MYO9A: variants seen among roughly 807,000 people sequenced by gnomAD.
The protein encoded by MYO9A is myosin IXA, also known as unconventional myosin-IXa.
In MYO9A, 103 loss-of-function variants were observed where a neutral mutation model predicts 293.3. The ratio of observed to expected loss-of-function variants is 0.35; its 90% CI spans 0.30 to 0.41. MYO9A has a LOEUF of 0.41. MYO9A is among the 10% of genes least tolerant of loss of function. The probability of loss-of-function intolerance (pLI) is 1.00; values close to 1 mark genes in which losing one functional copy is unlikely to be tolerated. For synonymous variants in MYO9A, 1,001 were observed against 1,035.7 expected (o/e 0.97, Z 0.64); for missense variants, 2,685 against 3,033.0 (o/e 0.89, Z 2.69).
In MYO9A at chr15:72,027,731, C is replaced by T. The variant is rs775144581; in HGVS notation, c.998G>A (p.Arg333Gln). The T allele has an allele frequency of 1.2e-6, 2 of 1,600,756 alleles. No homozygotes were observed. The highest frequency in any genetic ancestry group is 1.7e-6 in the Non-Finnish European group (2 of 1,173,450). The change falls in exon 4 of 42, where the codon CGG becomes CAG. Residue 333 changes from arginine to glutamine, a missense_variant and splice_region_variant. Arg to Gln is a conservative substitution (Grantham distance 43). This residue lies in a region of MYO9A where 289 missense variants were observed against 456.8 expected (regional missense o/e 0.63). Coordinates refer to ENST00000356056, the MANE Select transcript of MYO9A (RefSeq NM_006901.4). ...TAATTACACAAATAAAAATACGTAC[C>T]GTTCATTATGCTCCTGATAAACGAG... ...SRLVYQEHNERNYHVFYYLLA... is the reference protein window; with the variant it reads ...SRLVYQEHNEQNYHVFYYLLA...
intron 15 of MYO9A, among the ~76,000 whole-genome samples, chr15:71,946,051 T>C (rs916228624): frequency 6.6e-6 from 1 of 152,350 alleles, no homozygotes; most frequent in African/African-American, 2.4e-5. Flanking sequence ...TGGAATAAAT[T>C]CCATGTGGTC....
intron 1 of MYO9A, among the ~76,000 whole-genome samples, chr15:72,070,619 G>A (rs2079162233): frequency 6.6e-6 from 1 of 152,092 alleles, no homozygotes; most frequent in African/African-American, 2.4e-5. Flanking sequence ...GAACCCAGGA[G>A]GTGGAGGCTG....
chr15:71,911,682 G>T (rs2057856730), intron 19 of MYO9A, among the ~76,000 whole-genome samples: 1 of 152,190 alleles, frequency 6.6e-6, no homozygotes, highest in African/African-American at 2.4e-5. Flanking sequence ...GAAGTGACCA[G>T]ACTTTGACAT....
chr15:72,044,181 T>C (rs1036133976), intron 2 of MYO9A, among the ~76,000 whole-genome samples: 1 of 151,910 alleles, frequency 6.6e-6, no homozygotes, highest in South Asian at 2.1e-4. Flanking sequence ...CCAAGGCAGG[T>C]GGATCACCTG....
At chr15:71,911,144 A>C (rs942089520) in intron 19 of MYO9A, among the ~76,000 whole-genome samples, 1 of 152,122 alleles carries the variant, frequency 6.6e-6, no homozygotes, top group Non-Finnish European at 1.5e-5. Flanking sequence ...ACTATCTTTT[A>C]AAAAAATACA....
chr15:72,103,303 A>T (rs988817576), intron 1 of MYO9A, among the ~76,000 whole-genome samples: 1 of 143,066 alleles, frequency 7.0e-6, no homozygotes, highest in Non-Finnish European at 1.5e-5. Flanking sequence ...CAGCAGCAGA[A>T]GCAGAAGCAG....
chr15:71,951,599 A>G (rs56158194), intron 15 of MYO9A, 178 bp downstream of exon 15: 72 of 591,702 alleles, frequency 1.2e-4, no homozygotes, highest in Middle Eastern at 3.0e-4. Context: ...TTAAAAAAGT[A>G]TATCAGTATT....
At chr15:71,915,349 A>T (rs1387520916) in intron 19 of MYO9A, among the ~76,000 whole-genome samples, 1 of 151,922 alleles carries the variant, frequency 6.6e-6, no homozygotes, top group Non-Finnish European at 1.5e-5. Context: ...CAGTGATTTC[A>T]TTATACTCAA....
At position 71,977,917 on chromosome 15, in the gene MYO9A, G is replaced by A. The variant is rs1402872488; in HGVS notation, c.1844+254C>T. On this transcript the variant is annotated intron_variant, in intron 12 of 41. Transcript: ENST00000356056. ...CCAGGCATGGTGGCGGGCACCTGTAGTCCCAGCTACTTTGGAGGCTAAGGC... is the reference window on the plus strand; with the variant it reads ...CCAGGCATGGTGGCGGGCACCTGTAATCCCAGCTACTTTGGAGGCTAAGGC... 2.0e-5 allele frequency among the ~76,000 whole-genome samples: 3 copies of A among 152,064 alleles called. No homozygotes were observed. The East Asian group carries it at 5.8e-4, about 29-fold the overall frequency.
chr15:72,087,662 C>T (rs768909987), intron 1 of MYO9A, among the ~76,000 whole-genome samples: 5 of 152,176 alleles, frequency 3.3e-5, no homozygotes, highest in Non-Finnish European at 5.9e-5. Context: ...AGTGCCTTCC[C>T]TCTGAAGATC....
intron 17 of MYO9A, chr15:71,935,111 T>G: frequency 2.4e-6 from 1 of 421,832 alleles, no homozygotes. Flanking sequence ...TCAGTCATGA[T>G]TCTCCTGGTA....
intron 17 of MYO9A, chr15:71,935,031 T>TC (rs1195210478): frequency 5.2e-6 from 1 of 193,084 alleles, no homozygotes; most frequent in African/African-American, 2.3e-5. Context: ...GCTAACAGTT[T>TC]TTTCTTTCTC....
intron 18 of MYO9A, among the ~76,000 whole-genome samples, chr15:71,924,788 C>T (rs2145253233): frequency 6.6e-6 from 1 of 152,058 alleles, no homozygotes; most frequent in Admixed American, 6.5e-5. Context: ...GGTGTGGTGA[C>T]ACATGCCTGT....
intron 1 of MYO9A, among the ~76,000 whole-genome samples, chr15:72,111,171 AAAT>A (rs1350814313): frequency 4.0e-5 from 6 of 150,762 alleles, no homozygotes; most frequent in African/African-American, 1.5e-4. Flanking sequence ...AAAAAAAAAA[AAAT>A]TATTGATTTC....
At chr15:71,996,614 C>T (rs2076705298) in intron 9 of MYO9A, among the ~76,000 whole-genome samples, 1 of 151,942 alleles carries the variant, frequency 6.6e-6, no homozygotes, top group Non-Finnish European at 1.5e-5. Context: ...ATGCAGGACT[C>T]ATCCTTGACA....
intron 1 of MYO9A, among the ~76,000 whole-genome samples, chr15:72,051,706 C>A (rs2078570329): frequency 6.6e-6 from 1 of 152,142 alleles, no homozygotes; most frequent in Non-Finnish European, 1.5e-5. Flanking sequence ...CACTGATACA[C>A]CAGCCCCCTG....
At chr15:72,107,031 A>T (rs1255009764) in intron 1 of MYO9A, among the ~76,000 whole-genome samples, 1 of 152,244 alleles carries the variant, frequency 6.6e-6, no homozygotes, top group Non-Finnish European at 1.5e-5. Flanking sequence ...CAATGTTAAT[A>T]AAAACTATGA....
chr15:71,984,281 T>A (rs2076353840), intron 11 of MYO9A, among the ~76,000 whole-genome samples: 1 of 152,250 alleles, frequency 6.6e-6, no homozygotes, highest in Admixed American at 6.5e-5. Flanking sequence ...TTTAGATGCA[T>A]TAAATGCATT....
chr15:71,998,525 A>G (rs1057297813), intron 9 of MYO9A, among the ~76,000 whole-genome samples: 1 of 151,454 alleles, frequency 6.6e-6, no homozygotes, highest in African/African-American at 2.4e-5. Flanking sequence ...TAAAAGAAAT[A>G]TAAAACTCTT....
Sources: gnomAD v4.1 joint callset for allele counts (sites outside exome capture counted in the v4.1 genomes callset) on GRCh38, gnomAD v4.1.1 for gene constraint, gnomAD v4.1.1 regional missense constraint, MANE v1.5 for transcripts, NCBI Gene and HGNC (gene_info 2026-07-23, HGNC 2026-07-21) for gene names.